The following GABRG3 variants were observed in gnomAD, a reference collection of about 807,000 sequenced individuals.
GABRG3 encodes the protein gamma-aminobutyric acid type A receptor subunit gamma3, also known as gamma-aminobutyric acid receptor subunit gamma-3.
In GABRG3, 25 loss-of-function variants were observed where a neutral mutation model predicts 48.8. The ratio of observed to expected loss-of-function variants is 0.51; its 90% CI spans 0.37 to 0.72. The LOEUF is 0.72. Among genes scored for constraint, GABRG3 ranks in the 30% least tolerant of loss-of-function variants. The pLI is 0.00. For synonymous variants in GABRG3, 227 were observed against 217.6 expected, an observed-to-expected ratio of 1.04 and a Z score of -0.38; for missense variants, 394 against 577.9, an observed-to-expected ratio of 0.68 and a Z score of 3.26.
intron 3 of GABRG3, among the ~76,000 whole-genome samples, chr15:27,279,291 CT>C (rs1333872530): frequency 6.6e-6 from 1 of 151,868 alleles, no homozygotes; most frequent in African/African-American, 2.4e-5. Flanking sequence ...GATTTTTTTC[CT>C]TTTATGCATT....
chr15:27,303,752 G>GTA (rs760885274), intron 3 of GABRG3, among the ~76,000 whole-genome samples: 144 of 148,980 alleles, frequency 9.7e-4, no homozygotes, highest in South Asian at 4.4e-3. Context: ...ATCCGTGTGT[G>GTA]TATATATATA....
intron 3 of GABRG3, among the ~76,000 whole-genome samples, chr15:27,074,009 T>C (rs1896869191): frequency 6.6e-6 from 1 of 152,164 alleles, no homozygotes; most frequent in Non-Finnish European, 1.5e-5. Flanking sequence ...CTCACAATCA[T>C]GGTGGAAGGC....
chr15:27,003,218 T>TATTTATTC (rs1895490061), intron 2 of GABRG3, among the ~76,000 whole-genome samples: 1 of 148,374 alleles, frequency 6.7e-6, no homozygotes, highest in African/African-American at 2.5e-5. Context: ...TTTATTTATT[T>TATTTATTC]ATTTATTTAT....
At chr15:27,145,097 A>G (rs185807666) in intron 3 of GABRG3, among the ~76,000 whole-genome samples, 18 of 152,190 alleles carry the variant, frequency 1.2e-4, no homozygotes, top group African/African-American at 4.3e-4. Flanking sequence ...TTTCCAACCA[A>G]CATTGTGAGA....
intron 5 of GABRG3, among the ~76,000 whole-genome samples, chr15:27,437,138 G>A (rs745504958): frequency 6.0e-5 from 9 of 150,834 alleles, no homozygotes; most frequent in East Asian, 2.0e-4. Context: ...TTTTAAATTC[G>A]TCACAGACAC....
At chr15:27,423,437 G>A (rs1466762335) in intron 5 of GABRG3, among the ~76,000 whole-genome samples, 2 of 151,946 alleles carry the variant, frequency 1.3e-5, no homozygotes, top group East Asian at 1.9e-4. Flanking sequence ...TATATGTAGG[G>A]AAAGGAGCAT....
chr15:27,400,161 AT>A (rs1248339916), intron 5 of GABRG3, among the ~76,000 whole-genome samples: 1 of 152,190 alleles, frequency 6.6e-6, no homozygotes, highest in African/African-American at 2.4e-5. Context: ...GAGTTTTAAC[AT>A]TTCTTTTTCC....
intron 5 of GABRG3, among the ~76,000 whole-genome samples, chr15:27,463,392 C>A (rs532748549): frequency 1.3e-5 from 2 of 152,280 alleles, no homozygotes; most frequent in Admixed American, 1.3e-4. Flanking sequence ...GTAAATATTT[C>A]AATCAGAATT....
At chr15:27,446,557 G>GA (rs199681305) in intron 5 of GABRG3, among the ~76,000 whole-genome samples, 3 of 151,538 alleles carry the variant, frequency 2.0e-5, no homozygotes, top group South Asian at 2.1e-4. Context: ...ATTTCTAGCA[G>GA]AAAAAAAAAT....
chr15:27,231,660 C>A (rs1279085850), intron 3 of GABRG3, among the ~76,000 whole-genome samples: 2 of 152,184 alleles, frequency 1.3e-5, no homozygotes, highest in Non-Finnish European at 2.9e-5. Context: ...CCTAGAAAAT[C>A]CCTCATATCC....
chr15:27,513,421 G>C (rs746566813), intron 6 of GABRG3, among the ~76,000 whole-genome samples: 34 of 151,288 alleles, frequency 2.2e-4, no homozygotes, highest in Admixed American at 2.2e-3. Flanking sequence ...GTGCACTCCA[G>C]CCTGGGAGAC....
At chr15:27,135,137 G>A (rs1408087270) in intron 3 of GABRG3, among the ~76,000 whole-genome samples, 1 of 152,146 alleles carries the variant, frequency 6.6e-6, no homozygotes, top group Non-Finnish European at 1.5e-5. Context: ...TTTAGCTATA[G>A]TAAAGAGAAA....
rs368791221 is a variant in GABRG3, at chr15:27,320,976, C to T, written c.271-5833C>T. Among the ~76,000 whole-genome samples, 5 of 152,318 alleles carry T rather than the reference C, an allele frequency of 3.3e-5. No individual in the cohort carries two copies. In the East Asian group the frequency reaches 9.7e-4, roughly 29 times the overall value. On this transcript the variant is annotated intron_variant, in intron 3 of 9. Transcript: ENST00000615808. ...GCCCCTCTGTGGCAACAGGGCGTCA[C>T]CCCCTGCTATGCTTCCCCGGGCCTG...
intron 5 of GABRG3, among the ~76,000 whole-genome samples, chr15:27,423,441 G>A (rs1046318870): frequency 6.6e-6 from 1 of 151,864 alleles, no homozygotes; most frequent in African/African-American, 2.4e-5. Flanking sequence ...TGTAGGGAAA[G>A]GAGCATTATG....
intron 3 of GABRG3, among the ~76,000 whole-genome samples, chr15:27,251,926 A>G (rs551313249): frequency 6.6e-6 from 1 of 152,270 alleles, no homozygotes; most frequent in Non-Finnish European, 1.5e-5. Context: ...GTGGCTCCTC[A>G]GCATAGCTGT....
intron 3 of GABRG3, among the ~76,000 whole-genome samples, chr15:27,036,768 C>T (rs1896186284): frequency 6.6e-6 from 1 of 152,080 alleles, no homozygotes; most frequent in Non-Finnish European, 1.5e-5. Flanking sequence ...GACCTCAGTT[C>T]CTTGGAGACA....
rs1263603583 is a variant in GABRG3 at position 26,975,165 on chromosome 15, C to T, written c.54-1837C>T. ...GTGTTGGGATTACAGGCGTGAACAA[C>T]CATGCCCGGCCAGATGACATGAAAT... On this transcript the variant is annotated intron_variant, in intron 1 of 9. Coordinates refer to ENST00000615808, the MANE Select transcript of GABRG3 (RefSeq NM_033223.5). This position sits in a 1 kb window ranked among gnomAD's most constrained non-coding sequence, Gnocchi z 4.6. Among the ~76,000 whole-genome samples, 1 of 152,126 alleles carries T rather than the reference C, an allele frequency of 6.6e-6. No individual in the cohort carries two copies. Among genetic ancestry groups the T allele is most frequent in the Non-Finnish European group, 1.5e-5 (1 of 68,028 alleles).
At chr15:27,177,764 G>A (rs577956975) in intron 3 of GABRG3, among the ~76,000 whole-genome samples, 1 of 152,306 alleles carries the variant, frequency 6.6e-6, no homozygotes, top group East Asian at 1.9e-4. Context: ...AACCAGAGCT[G>A]GGCAGTGGTG....
At chr15:26,986,615 A>G (rs1895156234) in intron 2 of GABRG3, among the ~76,000 whole-genome samples, 1 of 152,210 alleles carries the variant, frequency 6.6e-6, no homozygotes, top group South Asian at 2.1e-4. Flanking sequence ...ACAGTTCATT[A>G]AAAATATGTG....
Sources: gnomAD v4.1 joint callset for allele counts (sites outside exome capture counted in the v4.1 genomes callset) on GRCh38, gnomAD v4.1.1 for gene constraint, Gnocchi (gnomAD v3.1) non-coding constraint, MANE v1.5 for transcripts, NCBI Gene and HGNC (gene_info 2026-07-23, HGNC 2026-07-21) for gene names.